The following COL18A1 variants were observed in gnomAD, a reference collection of about 807,000 sequenced individuals.
The protein encoded by COL18A1 is collagen alpha-1(XVIII) chain.
COL18A1 carries 133 observed loss-of-function variants against 168.0 expected under a neutral mutation model. The ratio of observed to expected loss-of-function variants is 0.79; its 90% CI spans 0.69 to 0.91. COL18A1 has a LOEUF of 0.91. COL18A1 is among the 40% of genes least tolerant of loss of function. The probability of loss-of-function intolerance (pLI) is 0.00; values close to 1 mark genes in which losing one functional copy is unlikely to be tolerated. For synonymous variants in COL18A1, 949 were observed against 809.0 expected, an observed-to-expected ratio of 1.17 and a Z score of -2.94; for missense variants, 2,126 against 1,925.4, an observed-to-expected ratio of 1.10 and a Z score of -1.95.
rs1415841611 is a variant in COL18A1, at chr21:45,511,218, C to T, written c.3801C>T (p.His1267=). ...FSFDGKDVLR[H]PTWPQKSVWH... Reference sequence around the variant, plus strand: ...TTGACGGCAAGGACGTCCTGAGGCACCCCACCTGGTAGGTTCCCAGTGCCG... The same window carrying T: ...TTGACGGCAAGGACGTCCTGAGGCATCCCACCTGGTAGGTTCCCAGTGCCG... The change falls in exon 41 of 42, where the codon CAC becomes CAT. Residue 1267 remains histidine (H), a synonymous_variant. Transcript: ENST00000651438. The T allele has an allele frequency of 2.5e-6, 4 of 1,570,114 alleles. No individual in the cohort carries two copies. The highest frequency in any genetic ancestry group is 1.2e-5 in the South Asian group (1 of 86,680).
Position 45,475,549 on chromosome 21 carries a change from C to G in COL18A1, c.798+14C>G. On this transcript the variant is annotated intron_variant, in intron 5 of 41. Coordinates refer to ENST00000651438, the MANE Select transcript of COL18A1 (RefSeq NM_001379500.1). ...AGGGAGGAGACGGTGAGTAGCCGGACGGGGCCCAGCCCACGCTGCAGGGTC... is the reference window on the plus strand; with the variant it reads ...AGGGAGGAGACGGTGAGTAGCCGGAGGGGGCCCAGCCCACGCTGCAGGGTC... 1.9e-6 allele frequency: 3 copies of G among 1,600,230 alleles called. No homozygotes were observed. Among genetic ancestry groups the G allele is most frequent in the African/African-American group, 1.3e-5 (1 of 74,920 alleles).
intron 23 of COL18A1, 46 bp from the exon 24 acceptor site, chr21:45,492,641 C>T (rs373837734): frequency 2.1e-4 from 335 of 1,610,714 alleles, no homozygotes; most frequent in Non-Finnish European, 2.7e-4. Context: ...CGGGCAGGCG[C>T]GAGGGTGCGT....
intron 38 of COL18A1, among the ~76,000 whole-genome samples, chr21:45,508,095 G>A (rs1465263227): frequency 2.1e-5 from 3 of 144,704 alleles, no homozygotes; most frequent in Non-Finnish European, 3.0e-5. Flanking sequence ...TGGGTGAGTG[G>A]ATGGATGGTG....
rs1239360962 is a variant in COL18A1, at chr21:45,512,507, C to T, written c.*109C>T. On this transcript the variant is annotated 3_prime_UTR_variant, in exon 42 of 42. Transcript: ENST00000651438. Reference sequence around the variant, plus strand: ...CTGGCCCCAGGACCTGGCTGCCATACTTTCCTGTATAGTTCACGTTTCATG... The same window carrying T: ...CTGGCCCCAGGACCTGGCTGCCATATTTTCCTGTATAGTTCACGTTTCATG... 5.1e-6 allele frequency: 5 copies of T among 980,272 alleles called. No individual in the cohort carries two copies. The highest frequency in any genetic ancestry group is 1.4e-5 in the South Asian group (1 of 72,266). The allele number at this position is 980,272 out of a possible 1,614,324, so 60.7% of individuals were successfully genotyped here.
chr21:45,455,427 TGGGAAG>T lies in COL18A1; in HGVS notation c.107-12814_107-12809del, dbSNP rs938462922. On this transcript the variant is annotated intron_variant, in intron 2 of 41. Coordinates refer to ENST00000651438, the MANE Select transcript of COL18A1 (RefSeq NM_001379500.1). Reference sequence around the variant, plus strand: ...GGGTGGAAGACAGCCGGCCAGAGGCTGGGAAGCCTGCACAGGGGAGGGCAGGAGGGC... The same window carrying T: ...GGGTGGAAGACAGCCGGCCAGAGGCTCCTGCACAGGGGAGGGCAGGAGGGC... 3.3e-4 allele frequency: 504 copies of T among 1,526,132 alleles called. No homozygotes were observed. The African/African-American group carries it at 5.8e-3, about 18-fold the overall frequency. The allele number at this position is 1,526,132 out of a possible 1,614,324, so 94.5% of individuals were successfully genotyped here.
chr21:45,411,818 C>A (rs2033306737), intron 2 of COL18A1, among the ~76,000 whole-genome samples: 2 of 149,158 alleles, frequency 1.3e-5, no homozygotes, highest in South Asian at 4.2e-4. Context: ...GAGGGCCTCG[C>A]TTCTGATGGG....
Position 45,443,315 on chromosome 21 carries a change from G to A in COL18A1, c.107-24927G>A, listed in dbSNP as rs1270671657. Among the ~76,000 whole-genome samples, 1 of 152,204 alleles carries A rather than the reference G, an allele frequency of 6.6e-6. No individual in the cohort carries two copies. Among genetic ancestry groups the A allele is most frequent in the Non-Finnish European group, 1.5e-5 (1 of 68,018 alleles). ...CTGGCAGCCCCATGGGAACCTGGCT[G>A]TGTGAGCCTGCCCTGGGGCCTTCCA... On this transcript the variant is annotated intron_variant, in intron 2 of 41. Coordinates refer to ENST00000651438, the MANE Select transcript of COL18A1 (RefSeq NM_001379500.1). The surrounding 1 kb of genome is among the most constrained non-coding windows in gnomAD (Gnocchi z 5.2).
At chr21:45,507,253 G>T in intron 37 of COL18A1, 2 of 480,248 alleles carry the variant, frequency 4.2e-6, no homozygotes, top group South Asian at 2.1e-5. Flanking sequence ...GGTGGGTGCT[G>T]GGCAGGGAGG....
chr21:45,499,574 C>T (rs372828907), intron 32 of COL18A1, among the ~76,000 whole-genome samples: 3,966 of 127,868 alleles, frequency 0.031, 43 homozygotes, highest in Admixed American at 0.038. Flanking sequence ...CCCGCGTGGG[C>T]TGCCCCGCAT....
In COL18A1 at chr21:45,468,450, A is replaced by C. The variant is rs201508976; in HGVS notation, c.315A>C (p.Pro105=). 6.6e-5 allele frequency: 106 copies of C among 1,614,084 alleles called. No homozygotes were observed. The highest frequency in any genetic ancestry group is 5.2e-4 in the Admixed American group (31 of 60,038). Residue 105 remains proline, a synonymous_variant, in exon 3 of 42, where the codon CCA becomes CCC. Transcript: ENST00000651438. ...LFHIRPATEG[P]GVLFAITDSA... is the part of the protein sequence containing the mutation. ...ACATCCGGCCAGCCACAGAGGGCCC[A>C]GGGGTGCTGTTCGCCATCACGGACT... is the stretch of plus-strand genomic sequence containing the variant.
At chr21:45,419,489 G>T (rs1426921408) in intron 2 of COL18A1, among the ~76,000 whole-genome samples, 1 of 152,120 alleles carries the variant, frequency 6.6e-6, no homozygotes, top group African/African-American at 2.4e-5. Context: ...GGTGCTCTCT[G>T]AGGCCGCCCA....
chr21:45,475,425 G>T, intron 4 of COL18A1, 51 bp from the exon 5 acceptor site: 2 of 1,519,850 alleles, frequency 1.3e-6, no homozygotes, highest in Non-Finnish European at 1.8e-6. Flanking sequence ...CCGGGCTCGG[G>T]GCCTGGCCTG....
chr21:45,512,562 G>C lies in COL18A1; in HGVS notation c.*164G>C. 1 of 689,668 alleles carries C rather than the reference G, an allele frequency of 1.4e-6. No homozygotes were observed. Among genetic ancestry groups the C allele is most frequent in the Non-Finnish European group, 2.4e-6 (1 of 411,102 alleles). 42.7% of individuals were successfully genotyped at this position (689,668 alleles called of 1,614,324 possible). ...CCTCAAGAAATAAAAGGAAGCCAAA[G>C]AGTGTATTTTTTTAAAAGTTTAAAA... is the stretch of plus-strand genomic sequence containing the variant. On this transcript the variant is annotated 3_prime_UTR_variant, in exon 42 of 42. Coordinates refer to ENST00000651438, the MANE Select transcript of COL18A1 (RefSeq NM_001379500.1).
chr21:45,461,321 C>T (rs2035038259), intron 2 of COL18A1, among the ~76,000 whole-genome samples: 1 of 152,054 alleles, frequency 6.6e-6, no homozygotes, highest in Non-Finnish European at 1.5e-5. Flanking sequence ...GTCCAGTAGT[C>T]CAACAGGCGA....
intron 2 of COL18A1, chr21:45,456,816 C>A: frequency 6.5e-7 from 1 of 1,531,182 alleles, no homozygotes; most frequent in Admixed American, 2.1e-5. Context: ...GGCCGGCTGC[C>A]CGTCGCCTGT....
intron 2 of COL18A1, among the ~76,000 whole-genome samples, chr21:45,455,211 G>T (rs1479567437): frequency 6.6e-6 from 1 of 152,242 alleles, no homozygotes; most frequent in Non-Finnish European, 1.5e-5. Flanking sequence ...CAGCAGCCCT[G>T]CCCCGGCAGA....
At chr21:45,426,642 G>A (rs114091065) in intron 2 of COL18A1, among the ~76,000 whole-genome samples, 3,321 of 152,312 alleles carry the variant, frequency 0.022, 117 homozygotes, top group African/African-American at 0.075. Context: ...AGGCCTGGCC[G>A]GGACAGCAGC....
chr21:45,474,622 G>T (rs1165569419), intron 4 of COL18A1, among the ~76,000 whole-genome samples: 1 of 152,084 alleles, frequency 6.6e-6, no homozygotes, highest in East Asian at 1.9e-4. Flanking sequence ...TGGTACCCAA[G>T]GGGAGAATCC....
chr21:45,503,076 G>GTA (rs1417602930), intron 32 of COL18A1: 4 of 152,290 alleles, frequency 2.6e-5, no homozygotes, highest in East Asian at 3.9e-4. Flanking sequence ...AGTCCTTTGT[G>GTA]TATATACCCA....
Sources: allele counts gnomAD v4.1 joint callset (sites outside exome capture counted in the v4.1 genomes callset), GRCh38; gene constraint gnomAD v4.1.1; non-coding constraint Gnocchi (gnomAD v3.1); transcripts MANE v1.5; gene names NCBI Gene and HGNC (gene_info 2026-07-23, HGNC 2026-07-21).